The following SYT5 variants were observed in gnomAD, a reference collection of about 807,000 sequenced individuals.
SYT5 encodes the protein synaptotagmin-5.
A neutral mutation model predicts 36.0 loss-of-function variants in SYT5; 29 were observed. That is an observed-to-expected ratio of 0.81 (90% CI 0.60 to 1.10). The LOEUF is 1.10. Among genes scored for constraint, SYT5 ranks in the 50% least tolerant of loss-of-function variants. The pLI, the probability that SYT5 is intolerant of heterozygous loss-of-function variation, is 0.00. For synonymous variants in SYT5, 231 were observed against 227.6 expected, an observed-to-expected ratio of 1.02 and a Z score of -0.14; for missense variants, 512 against 516.0, an observed-to-expected ratio of 0.99 and a Z score of 0.08.
Position 55,175,614 on chromosome 19 carries a change from T to G in SYT5, c.540+95A>C. The G allele has an allele frequency of 1.3e-6, 2 of 1,511,986 alleles. No homozygotes were observed. Among genetic ancestry groups the G allele is most frequent in the South Asian group, 2.5e-5 (2 of 79,174 alleles). The allele number at this position is 1,511,986 out of a possible 1,614,324, so 93.7% of individuals were successfully genotyped here. On this transcript the variant is annotated intron_variant, in intron 5 of 8. Transcript: ENST00000354308. The surrounding 1 kb of genome is among the most constrained non-coding windows in gnomAD (Gnocchi z 4.5). Reference sequence around the variant, plus strand: ...GAGCTGGTAGCTGCCACCTGAGCTGTGGCCGCCTCCAGGAAAAGCGGAAGG... The same window carrying G: ...GAGCTGGTAGCTGCCACCTGAGCTGGGGCCGCCTCCAGGAAAAGCGGAAGG...
chr19:55,178,960 C>T lies in SYT5; in HGVS notation c.79+3G>A. ...CGGCCCCCCACCCCCGGGTCTTGCTCACCTGGGCCGTGGCTGATGCGACTG... is the reference window on the plus strand; with the variant it reads ...CGGCCCCCCACCCCCGGGTCTTGCTTACCTGGGCCGTGGCTGATGCGACTG... On this transcript the variant is annotated splice_donor_region_variant and intron_variant, in intron 2 of 8. Transcript: ENST00000354308. The T allele has an allele frequency of 6.5e-7, 1 of 1,542,174 alleles. No homozygotes were observed. The highest frequency in any genetic ancestry group is 1.2e-5 in the South Asian group (1 of 80,676).
chr19:55,174,505 G>A lies in SYT5; in HGVS notation c.960+12C>T. 6.2e-7 allele frequency: 1 copy of A among 1,613,482 alleles called. No individual in the cohort carries two copies. The highest frequency in any genetic ancestry group is 8.5e-7 in the Non-Finnish European group (1 of 1,179,602). Reference sequence around the variant, plus strand: ...GGTCTGGGCTCTTGGAGAAGGGCAGGTTTGAGCTCACCTGGACTTGGTCAC... The same window carrying A: ...GGTCTGGGCTCTTGGAGAAGGGCAGATTTGAGCTCACCTGGACTTGGTCAC... On this transcript the variant is annotated intron_variant, in intron 8 of 8. Coordinates refer to ENST00000354308, the MANE Select transcript of SYT5 (RefSeq NM_003180.3).
rs374784329 is a variant in SYT5, at chr19:55,175,818, G to A, written c.431C>T (p.Ser144Leu). 50 of 1,614,032 alleles carry A rather than the reference G, an allele frequency of 3.1e-5. No homozygotes were observed. The highest frequency in any genetic ancestry group is 4.1e-5 in the Non-Finnish European group (48 of 1,180,028). ...GLAALDLGGS[S>L]DPYVRVYLLP... ...CAGGTAGACCCGCACATAGGGGTCC[G>A]AGGAGCCACCAAGATCCAAGGCTGC... The change falls in exon 5 of 9, where the codon TCG (serine) becomes TTG (leucine). Residue 144 changes from serine to leucine, a missense_variant. Transcript: ENST00000354308. The surrounding 1 kb of genome is among the most constrained non-coding windows in gnomAD (Gnocchi z 4.5).
intron 3 of SYT5, 146 bp downstream of exon 3, chr19:55,178,050 C>T (rs2086096370): frequency 2.2e-6 from 2 of 911,988 alleles, no homozygotes; most frequent in African/African-American, 1.7e-5. Flanking sequence ...CCCCAGAGTC[C>T]AGTTGAGGGC....
At position 55,173,592 on chromosome 19, in the gene SYT5, C is replaced by T. The variant is rs2086029724; in HGVS notation, c.1053G>A (p.Gly351=). Residue 351 remains glycine, a synonymous_variant, in exon 9 of 9, where the codon GGG becomes GGA. Transcript: ENST00000354308. The surrounding 1 kb of genome is among the most constrained non-coding windows in gnomAD (Gnocchi z 5.4). ...GRVAVGAAAG[G]AGLRHWADML... is the part of the protein sequence containing the mutation. Reference sequence around the variant, plus strand: ...TGTCCGCCCAGTGCCGCAGGCCAGCCCCGCCGGCGGCCGCCCCCACGGCCA... The same window carrying T: ...TGTCCGCCCAGTGCCGCAGGCCAGCTCCGCCGGCGGCCGCCCCCACGGCCA... The T allele has an allele frequency of 6.7e-7, 1 of 1,482,244 alleles. No individual in the cohort carries two copies. The highest frequency in any genetic ancestry group is 9.0e-7 in the Non-Finnish European group (1 of 1,117,188). 91.8% of individuals were successfully genotyped at this position (1,482,244 alleles called of 1,614,324 possible).
At position 55,179,262 on chromosome 19, in the gene SYT5, T is replaced by G. The variant is rs1357935801; in HGVS notation, c.-45-176A>C. ...TTGAGAGGGGGTGTCCAGGACCTAG[T>G]TCCATCCTAAAGGGATACCCTCTTC... is the stretch of plus-strand genomic sequence containing the variant. On this transcript the variant is annotated intron_variant, in intron 1 of 8. Transcript: ENST00000354308. This position sits in a 1 kb window ranked among gnomAD's most constrained non-coding sequence, Gnocchi z 4.5. 3.4e-6 allele frequency: 5 copies of G among 1,450,348 alleles called. No homozygotes were observed. The highest frequency in any genetic ancestry group is 4.5e-6 in the Non-Finnish European group (5 of 1,105,038). 89.8% of individuals were successfully genotyped at this position (1,450,348 alleles called of 1,614,324 possible). A position where few individuals can be genotyped will look rare whatever the true frequency, so the allele number is the denominator to read the frequency against.
rs2086062396 is a variant in SYT5 at position 55,175,281 on chromosome 19, CG to C, written c.598del (p.Arg200AlafsTer15). The C allele has an allele frequency of 1.3e-6, 2 of 1,593,972 alleles. No individual in the cohort carries two copies. The highest frequency in any genetic ancestry group is 1.7e-6 in the Non-Finnish European group (2 of 1,171,568). ...CCCGATGGCGTCATTGCGAGAGAAG[CG>C]GTCGAAGTCGTACACCGCCATGACC... is the stretch of plus-strand genomic sequence containing the variant. The part of the protein sequence containing the change: ...VLVMAVYDFD[R>X]FSRNDAIGEV... On this transcript the variant is annotated frameshift_variant, in exon 6 of 9. Coordinates refer to ENST00000354308, the MANE Select transcript of SYT5 (RefSeq NM_003180.3). LOFTEE classifies it high-confidence loss of function. This position sits in a 1 kb window ranked among gnomAD's most constrained non-coding sequence, Gnocchi z 4.5.
rs1320378022 is a variant in SYT5 at position 55,179,095 on chromosome 19, C to T, written c.-45-9G>A. On this transcript the variant is annotated splice_polypyrimidine_tract_variant and intron_variant, in intron 1 of 8. Coordinates refer to ENST00000354308, the MANE Select transcript of SYT5 (RefSeq NM_003180.3). The surrounding 1 kb of genome is among the most constrained non-coding windows in gnomAD (Gnocchi z 4.5). ...AGAGACACTCAAGCACCCTAGTCCC[C>T]CATTCCCACCCCAGACGTCCTTTGA... 5 of 1,561,352 alleles carry T rather than the reference C, an allele frequency of 3.2e-6. No individual in the cohort carries two copies. The highest frequency in any genetic ancestry group is 4.3e-6 in the Non-Finnish European group (5 of 1,155,350).
chr19:55,174,149 CTT>C, intron 8 of SYT5: 1 of 210,568 alleles, frequency 4.7e-6, no homozygotes, highest in African/African-American at 2.4e-5. Flanking sequence ...CCTGGTCCCG[CTT>C]GGGGGCGGGG....
chr19:55,174,757 C>T, intron 7 of SYT5, 107 bp from the exon 8 acceptor site: 1 of 1,578,252 alleles, frequency 6.3e-7, no homozygotes, highest in Non-Finnish European at 8.7e-7. Context: ...ATGCCAAAAT[C>T]CATGCCTTCC....
chr19:55,174,642 C>T lies in SYT5; in HGVS notation c.835G>A (p.Val279Ile), dbSNP rs775249021. Residue 279 changes from valine to isoleucine, a missense_variant, in exon 8 of 9, where the codon GTC becomes ATC. By Grantham distance (29) the Val-to-Ile change is conservative (BLOSUM62 3). Coordinates refer to ENST00000354308, the MANE Select transcript of SYT5 (RefSeq NM_003180.3). ...CCGCCCTGCAGCAGGTGGACCTTGA[C>T]GTATGGATCTGGGGAGAGGAAGGAG... The part of the protein sequence containing the change: ...MDVGGLSDPY[V>I]KVHLLQGGKK... 45 of 1,614,030 alleles carry T rather than the reference C, an allele frequency of 2.8e-5. No homozygotes were observed. The highest frequency in any genetic ancestry group is 3.6e-5 in the Non-Finnish European group (42 of 1,179,984).
At chr19:55,176,771 G>A (rs2086081122) in intron 3 of SYT5, among the ~76,000 whole-genome samples, 1 of 130,956 alleles carries the variant, frequency 7.6e-6, no homozygotes, top group Middle Eastern at 3.7e-3. Flanking sequence ...ACTGGTTTAA[G>A]GGACAGGGAT....
In SYT5 at chr19:55,175,627, G is replaced by C; in HGVS notation, c.540+82C>G. 6.5e-7 allele frequency: 1 copy of C among 1,545,548 alleles called. No individual in the cohort carries two copies. Among genetic ancestry groups the C allele is most frequent in the Non-Finnish European group, 8.8e-7 (1 of 1,141,044 alleles). ...CCACCTGAGCTGTGGCCGCCTCCAG[G>C]AAAAGCGGAAGGGGTCGGTCCCTAG... On this transcript the variant is annotated intron_variant, in intron 5 of 8. Coordinates refer to ENST00000354308, the MANE Select transcript of SYT5 (RefSeq NM_003180.3). The surrounding 1 kb of genome is among the most constrained non-coding windows in gnomAD (Gnocchi z 4.5).
intron 7 of SYT5, 75 bp from the exon 8 acceptor site, chr19:55,174,725 C>A (rs1472695176): frequency 5.6e-6 from 9 of 1,604,162 alleles, no homozygotes; most frequent in Middle Eastern, 1.7e-4. Flanking sequence ...ACTGCCTACA[C>A]CCTTCGGGTC....
In SYT5 at chr19:55,174,628, C is replaced by T; in HGVS notation, c.849G>A (p.Leu283=). Residue 283 remains leucine, a synonymous_variant, in exon 8 of 9, where the codon CTG becomes CTA. Transcript: ENST00000354308. The stretch of plus-strand genomic sequence containing the variant: ...TCCGCACCTTTTTGCCGCCCTGCAG[C>T]AGGTGGACCTTGACGTATGGATCTG... ...GLSDPYVKVH[L]LQGGKKVRKK... The T allele has an allele frequency of 6.2e-7, 1 of 1,614,022 alleles. No homozygotes were observed. The highest frequency in any genetic ancestry group is 1.1e-5 in the South Asian group (1 of 91,074).
At chr19:55,174,692 G>A (rs2086050925) in intron 7 of SYT5, 42 bp from the exon 8 acceptor site, 3 of 1,613,184 alleles carry the variant, frequency 1.9e-6, no homozygotes, top group Non-Finnish European at 2.5e-6. Flanking sequence ...CCCACTGCTG[G>A]GTTGTTGGAC....
rs1229950412 is a variant in SYT5 at position 55,175,972 on chromosome 19, T to A, written c.372+33A>T. 1 of 1,613,550 alleles carries A rather than the reference T, an allele frequency of 6.2e-7. No homozygotes were observed. Among genetic ancestry groups the A allele is most frequent in the Admixed American group, 1.7e-5 (1 of 59,984 alleles). ...GAAGGGGTTGGAACCCCCGGGATCC[T>A]CCCTCCAAAGCTTCCCCTTCCTCCA... is the stretch of plus-strand genomic sequence containing the variant. On this transcript the variant is annotated intron_variant, in intron 4 of 8. Coordinates refer to ENST00000354308, the MANE Select transcript of SYT5 (RefSeq NM_003180.3). This position sits in a 1 kb window ranked among gnomAD's most constrained non-coding sequence, Gnocchi z 4.5.
intron 3 of SYT5, among the ~76,000 whole-genome samples, chr19:55,177,895 G>A (rs890813857): frequency 6.6e-6 from 1 of 152,218 alleles, no homozygotes; most frequent in African/African-American, 2.4e-5. Context: ...TTTCTATACA[G>A]TGGGATGCCT....
chr19:55,174,676 T>C (rs1227931047), intron 7 of SYT5, 26 bp from the exon 8 acceptor site: 18 of 1,613,914 alleles, frequency 1.1e-5, no homozygotes, highest in East Asian at 2.2e-5. Flanking sequence ...AGGAGTCTTA[T>C]AGCTCCCCAC....
Sources: allele counts gnomAD v4.1 joint callset (sites outside exome capture counted in the v4.1 genomes callset), GRCh38; gene constraint gnomAD v4.1.1; non-coding constraint Gnocchi (gnomAD v3.1); transcripts MANE v1.5; gene names NCBI Gene and HGNC (gene_info 2026-07-23, HGNC 2026-07-21).